The following HYAL4 variants were observed in gnomAD, a reference collection of about 807,000 sequenced individuals.
HYAL4 encodes the protein hyaluronidase 4.
HYAL4 carries 37 observed loss-of-function variants against 35.2 expected under a neutral mutation model. The ratio of observed to expected loss-of-function variants is 1.05; its 90% CI spans 0.81 to 1.38. The LOEUF (loss-of-function observed/expected upper bound fraction) is 1.38, where lower values mean the gene tolerates loss of function less well. Ranked by LOEUF, HYAL4 falls within the 40% of genes most tolerant of loss-of-function variation. The pLI is 0.00. For synonymous variants in HYAL4, 198 were observed against 203.2 expected (o/e 0.97, Z 0.22); for missense variants, 572 against 572.4 (o/e 1.00, Z 0.01).
chr7:123,854,170 C>T (rs951303462), intron 2 of HYAL4, among the ~76,000 whole-genome samples: 5 of 152,208 alleles, frequency 3.3e-5, no homozygotes, highest in Non-Finnish European at 5.9e-5. Flanking sequence ...TTTCAAAGAA[C>T]CAGCTCTTGG....
Position 123,868,947 on chromosome 7 carries a change from A to G in HYAL4, c.674A>G (p.Asn225Ser), listed in dbSNP as rs1290540328. ...WGYYLYPDCH[N>S]YNVYAPNYSG... is the part of the protein sequence containing the mutation. ...TATTATTTATATCCTGATTGCCACA[A>G]TTATAACGTTTATGCCCCAAACTAC... Residue 225 changes from asparagine (N) to serine (S), a missense_variant, in exon 3 of 5, where the codon AAT (asparagine) becomes AGT (serine). Physicochemically the swap from Asn to Ser is conservative, Grantham distance 46. Transcript: ENST00000223026. 3 of 1,613,990 alleles carry G rather than the reference A, an allele frequency of 1.9e-6. No individual in the cohort carries two copies. Among genetic ancestry groups the G allele is most frequent in the Admixed American group, 1.7e-5 (1 of 59,956 alleles).
At chr7:123,834,332 G>GT (rs900829659) in intron 1 of HYAL4, among the ~76,000 whole-genome samples, 36 of 151,450 alleles carry the variant, frequency 2.4e-4, no homozygotes, top group Non-Finnish European at 2.8e-4. Flanking sequence ...AAGTATTTTA[G>GT]TTTTTTTTGC....
chr7:123,825,641 T>C (rs1489239379), upstream of HYAL4, among the ~76,000 whole-genome samples: 1 of 152,092 alleles, frequency 6.6e-6, no homozygotes, highest in Non-Finnish European at 1.5e-5. Context: ...GAATCAACCA[T>C]GTCACAAAGG....
chr7:123,779,683 T>G, the HYAL4 span, among the ~76,000 whole-genome samples: 43 of 152,132 alleles, frequency 2.8e-4, no homozygotes, highest in East Asian at 6.2e-3. Flanking sequence ...AATTTTCATC[T>G]CTAGGTAAAC....
chr7:123,768,486 A>G, the HYAL4 span, among the ~76,000 whole-genome samples: 2 of 152,156 alleles, frequency 1.3e-5, no homozygotes, highest in East Asian at 1.9e-4. Context: ...GGCTACTACA[A>G]TATTGCCTCG....
chr7:123,811,743 A>T, the HYAL4 span, among the ~76,000 whole-genome samples: 136 of 152,154 alleles, frequency 8.9e-4, no homozygotes, highest in Non-Finnish European at 3.8e-4. Context: ...CTAAAAAGTC[A>T]TCTGCTTGTC....
chr7:123,831,894 A>T (rs1346176034), intron 1 of HYAL4, among the ~76,000 whole-genome samples: 2 of 152,212 alleles, frequency 1.3e-5, no homozygotes, highest in Non-Finnish European at 2.9e-5. Context: ...TTATCAAAAT[A>T]GGTAGAAAAT....
the HYAL4 span, among the ~76,000 whole-genome samples, chr7:123,782,013 TC>T: frequency 1.3e-5 from 2 of 152,058 alleles, no homozygotes; most frequent in Admixed American, 1.3e-4. Flanking sequence ...GCTCAAGAAA[TC>T]CTCCCACCTC....
At chr7:123,852,664 G>A (rs932597653) in intron 2 of HYAL4, among the ~76,000 whole-genome samples, 3 of 152,136 alleles carry the variant, frequency 2.0e-5, no homozygotes, top group Non-Finnish European at 4.4e-5. Context: ...TTGAAGTCAG[G>A]TAGTGTGATG....
the HYAL4 span, among the ~76,000 whole-genome samples, chr7:123,806,814 G>C: frequency 6.6e-6 from 1 of 152,026 alleles, no homozygotes; most frequent in African/African-American, 2.4e-5. Flanking sequence ...TCAGTGGCCA[G>C]GCTAGTAGCT....
chr7:123,837,901 C>G (rs952123807), intron 1 of HYAL4, among the ~76,000 whole-genome samples: 2 of 152,090 alleles, frequency 1.3e-5, no homozygotes, highest in African/African-American at 4.8e-5. Context: ...GTCACATTTT[C>G]TTAATCCAGT....
chr7:123,866,233 C>T (rs988120002), intron 2 of HYAL4, among the ~76,000 whole-genome samples: 1 of 152,190 alleles, frequency 6.6e-6, no homozygotes, highest in Non-Finnish European at 1.5e-5. Flanking sequence ...AGGACAATAT[C>T]TCCACTTAAC....
the HYAL4 span, among the ~76,000 whole-genome samples, chr7:123,822,114 C>T: frequency 6.6e-6 from 1 of 152,028 alleles, no homozygotes; most frequent in East Asian, 1.9e-4. Context: ...CTCAAGGTTA[C>T]TTTGGCTGTT....
chr7:123,871,451 C>G (rs1322212883), intron 3 of HYAL4, among the ~76,000 whole-genome samples: 1 of 152,092 alleles, frequency 6.6e-6, no homozygotes, highest in African/African-American at 2.4e-5. Flanking sequence ...CTTGGCCTCC[C>G]AAAGCGCTGG....
chr7:123,765,191 A>G, the HYAL4 span, among the ~76,000 whole-genome samples: 1 of 152,224 alleles, frequency 6.6e-6, no homozygotes, highest in Non-Finnish European at 1.5e-5. Flanking sequence ...TAACAAAGCT[A>G]TCAGTGATAA....
chr7:123,824,232 A>G (rs1230372800), upstream of HYAL4, among the ~76,000 whole-genome samples: 1 of 152,182 alleles, frequency 6.6e-6, no homozygotes. Flanking sequence ...CACTATTGAT[A>G]TATATAAAGC....
chr7:123,801,039 G>A, the HYAL4 span, among the ~76,000 whole-genome samples: 1 of 151,958 alleles, frequency 6.6e-6, no homozygotes, highest in African/African-American at 2.4e-5. Flanking sequence ...TTTTTCCCAG[G>A]CTTGGTGGCT....
the HYAL4 span, among the ~76,000 whole-genome samples, chr7:123,811,511 T>C: frequency 7.9e-5 from 12 of 152,226 alleles, no homozygotes; most frequent in Admixed American, 7.2e-4. Context: ...AGCCTTTTGC[T>C]CATTTTTAAA....
the HYAL4 span, among the ~76,000 whole-genome samples, chr7:123,808,142 G>A: frequency 1.3e-5 from 2 of 151,754 alleles, no homozygotes; most frequent in African/African-American, 4.8e-5. Flanking sequence ...TGCTTGGAAT[G>A]CCTGATAATA....
Sources: allele counts gnomAD v4.1 joint callset (sites outside exome capture counted in the v4.1 genomes callset), GRCh38; gene constraint gnomAD v4.1.1; transcripts MANE v1.5; gene names NCBI Gene and HGNC (gene_info 2026-07-23, HGNC 2026-07-21).